GTF3C1: variants seen among roughly 807,000 people sequenced by gnomAD.
GTF3C1 encodes general transcription factor 3C polypeptide 1.
In GTF3C1, 57 loss-of-function variants were observed where a neutral mutation model predicts 226.7. That is an observed-to-expected ratio of 0.25 (90% CI 0.20 to 0.31). The LOEUF (loss-of-function observed/expected upper bound fraction) is 0.31. GTF3C1 is among the 10% of genes least tolerant of loss of function. GTF3C1 has a pLI of 1.00. For synonymous variants in GTF3C1, 1,090 were observed against 1,084.8 expected (o/e 1.00, Z -0.09); for missense variants, 2,217 against 2,776.1 (o/e 0.80, Z 4.53).
chr16:27,464,215 G>A, intron 34 of GTF3C1, 105 bp downstream of exon 34: 1 of 640,562 alleles, frequency 1.6e-6, no homozygotes, highest in Non-Finnish European at 2.4e-6. Flanking sequence ...TTTTGTGCCA[G>A]TGGCAGGTCC....
At chr16:27,517,323 C>G (rs2088673123) in intron 6 of GTF3C1, among the ~76,000 whole-genome samples, 1 of 152,098 alleles carries the variant, frequency 6.6e-6, no homozygotes. Flanking sequence ...TTTGAAGGTG[C>G]CTGTTCCAGA....
chr16:27,505,794 CT>C, intron 10 of GTF3C1, 104 bp downstream of exon 10: 1 of 732,658 alleles, frequency 1.4e-6, no homozygotes, highest in Non-Finnish European at 2.4e-6. Context: ...ACGCAGCACT[CT>C]CGCTGTGGAT....
intron 27 of GTF3C1, among the ~76,000 whole-genome samples, chr16:27,479,777 A>G (rs546315213): frequency 1.3e-5 from 2 of 152,184 alleles, no homozygotes; most frequent in Admixed American, 6.5e-5. Flanking sequence ...GCTTGGAACC[A>G]TTTTCTATTC....
At chr16:27,464,250 G>C in intron 34 of GTF3C1, 70 bp downstream of exon 34, 1 of 976,186 alleles carries the variant, frequency 1.0e-6, no homozygotes, top group East Asian at 3.1e-5. Context: ...AAGGTGTGAG[G>C]CCCATCAGGG....
At chr16:27,476,900 T>C (rs1210017141) in intron 28 of GTF3C1, among the ~76,000 whole-genome samples, 1 of 152,220 alleles carries the variant, frequency 6.6e-6, no homozygotes, top group Non-Finnish European at 1.5e-5. Context: ...TGACTATTGA[T>C]TATCCAAGAT....
rs75531349 is a variant in GTF3C1 at position 27,470,655 on chromosome 16, C to A, written c.4527-260G>T. The A allele has an allele frequency of 2.1e-6, 1 of 475,020 alleles. No homozygotes were observed. The allele number at this position is 475,020 out of a possible 1,614,324, so 29.4% of individuals were successfully genotyped here. A position where few individuals can be genotyped will look rare whatever the true frequency, so the allele number is the denominator to read the frequency against. On this transcript the variant is annotated intron_variant, in intron 30 of 36. Coordinates refer to ENST00000356183, the MANE Select transcript of GTF3C1 (RefSeq NM_001520.4). The surrounding 1 kb of genome is among the most constrained non-coding windows in gnomAD (Gnocchi z 4.9). Reference sequence around the variant, plus strand: ...TCTAATTCAATGTGGCCTCACCTGGCGCTCCAGGAGGGCGCTGGCAGGCTC... The same window carrying A: ...TCTAATTCAATGTGGCCTCACCTGGAGCTCCAGGAGGGCGCTGGCAGGCTC...
chr16:27,506,119 G>C lies in GTF3C1; in HGVS notation c.1553-3C>G. 1.3e-6 allele frequency: 2 copies of C among 1,554,496 alleles called. No individual in the cohort carries two copies. The highest frequency in any genetic ancestry group is 1.8e-6 in the Non-Finnish European group (2 of 1,125,954). On this transcript the variant is annotated splice_polypyrimidine_tract_variant and splice_region_variant and intron_variant, in intron 9 of 36. Coordinates refer to ENST00000356183, the MANE Select transcript of GTF3C1 (RefSeq NM_001520.4). ...TAGGTTTACAACTTTCCACCCACCT[G>C]TGGTGGAGGGAAGAGATAGAACAAA...
At chr16:27,544,824 C>A (rs1360149059) in intron 2 of GTF3C1, among the ~76,000 whole-genome samples, 1 of 152,136 alleles carries the variant, frequency 6.6e-6, no homozygotes. Context: ...AAAGGCAGGA[C>A]CCGTGACCCC....
intron 28 of GTF3C1, among the ~76,000 whole-genome samples, chr16:27,477,585 G>A (rs1012517667): frequency 1.3e-5 from 2 of 152,230 alleles, no homozygotes; most frequent in Non-Finnish European, 2.9e-5. Context: ...GATTACAGGC[G>A]TGAGGCACTG....
chr16:27,486,503 C>T (rs1031098589), intron 23 of GTF3C1, among the ~76,000 whole-genome samples: 13 of 152,200 alleles, frequency 8.5e-5, no homozygotes, highest in Admixed American at 3.9e-4. Flanking sequence ...AGTGCGTGCT[C>T]GGGGCGTACC....
At chr16:27,497,917 G>T in intron 13 of GTF3C1, 96 bp from the exon 14 acceptor site, 2 of 1,004,406 alleles carry the variant, frequency 2.0e-6, no homozygotes, top group Non-Finnish European at 2.9e-6. Context: ...CAGCCTCTTG[G>T]CCTGGGGGTT....
intron 2 of GTF3C1, among the ~76,000 whole-genome samples, chr16:27,542,156 T>C (rs915873670): frequency 3.9e-5 from 6 of 152,226 alleles, no homozygotes; most frequent in African/African-American, 1.2e-4. Context: ...CCCACGTTTA[T>C]GGCTTGTACA....
intron 24 of GTF3C1, among the ~76,000 whole-genome samples, chr16:27,485,704 T>C (rs2088128010): frequency 6.6e-6 from 1 of 152,228 alleles, no homozygotes; most frequent in African/African-American, 2.4e-5. Context: ...TAGCTGGTCA[T>C]GGCAGGGTGC....
chr16:27,546,453 A>G (rs1247659596), intron 1 of GTF3C1, among the ~76,000 whole-genome samples: 2 of 147,428 alleles, frequency 1.4e-5, no homozygotes, highest in Non-Finnish European at 3.0e-5. Context: ...TCTTTCATGC[A>G]GTTAGCCAAG....
In GTF3C1 at chr16:27,471,988, G is replaced by T. The variant is rs1228646940; in HGVS notation, c.4354-68C>A. Reference sequence around the variant, plus strand: ...GCCACGGAGAGGGCTGGGGTATGTGGAGGCAGAGGCTGCGGCTGATGCTTT... The same window carrying T: ...GCCACGGAGAGGGCTGGGGTATGTGTAGGCAGAGGCTGCGGCTGATGCTTT... On this transcript the variant is annotated intron_variant, in intron 29 of 36. Coordinates refer to ENST00000356183, the MANE Select transcript of GTF3C1 (RefSeq NM_001520.4). This position sits in a 1 kb window ranked among gnomAD's most constrained non-coding sequence, Gnocchi z 5.0. 2 of 1,397,298 alleles carry T rather than the reference G, an allele frequency of 1.4e-6. No homozygotes were observed. Among genetic ancestry groups the T allele is most frequent in the East Asian group, 2.3e-5 (1 of 43,336 alleles). The allele number at this position is 1,397,298 out of a possible 1,614,324, so 86.6% of individuals were successfully genotyped here.
intron 28 of GTF3C1, 111 bp downstream of exon 28, chr16:27,478,358 A>G (rs1003899299): frequency 1.3e-6 from 1 of 778,492 alleles, no homozygotes; most frequent in Non-Finnish European, 2.3e-6. Flanking sequence ...TTTTGTTCAC[A>G]CAAACAGGTA....
At chr16:27,527,551 C>T (rs1314493374) in intron 6 of GTF3C1, among the ~76,000 whole-genome samples, 2 of 152,178 alleles carry the variant, frequency 1.3e-5, no homozygotes, top group Non-Finnish European at 2.9e-5. Context: ...CAGATCCTAC[C>T]TCTGCTGAGT....
chr16:27,498,854 G>A (rs1376444188), intron 12 of GTF3C1, 121 bp from the exon 13 acceptor site: 2 of 676,492 alleles, frequency 3.0e-6, no homozygotes, highest in East Asian at 2.6e-5. Flanking sequence ...TCCAAAACAC[G>A]ATTAGGAGAT....
At chr16:27,486,432 C>T (rs1192009462) in intron 23 of GTF3C1, among the ~76,000 whole-genome samples, 1 of 152,124 alleles carries the variant, frequency 6.6e-6, no homozygotes, top group African/African-American at 2.4e-5. Context: ...GGTTATCTGC[C>T]AATCTCCAAT....
Sources: allele counts gnomAD v4.1 joint callset (sites outside exome capture counted in the v4.1 genomes callset), GRCh38; gene constraint gnomAD v4.1.1; non-coding constraint Gnocchi (gnomAD v3.1); transcripts MANE v1.5; gene names NCBI Gene and HGNC (gene_info 2026-07-23, HGNC 2026-07-21).